Variants in MAP4K3 observed in about 807,000 individuals in gnomAD.
MAP4K3 encodes mitogen-activated protein kinase kinase kinase kinase 3.
MAP4K3 carries 94 observed loss-of-function variants against 143.5 expected under a neutral mutation model. The observed-to-expected ratio is 0.65, with a 90% CI of 0.55 to 0.78. MAP4K3 has a LOEUF of 0.78. Ranked by LOEUF, MAP4K3 falls within the 30% of genes least tolerant of loss-of-function variation. The pLI is 0.00. For missense variants in MAP4K3, 1,077 were observed against 1,068.1 expected, an observed-to-expected ratio of 1.01 and a Z score of -0.12; for synonymous variants, 416 against 347.2, an observed-to-expected ratio of 1.20 and a Z score of -2.20.
At chr2:39,413,676 G>C (rs905898321) in intron 1 of MAP4K3, among the ~76,000 whole-genome samples, 2 of 151,896 alleles carry the variant, frequency 1.3e-5, no homozygotes, top group African/African-American at 4.8e-5. Context: ...AGAGAAGCAA[G>C]ACCAGGGTAG....
At chr2:39,315,950 T>C (rs948278653) in intron 12 of MAP4K3, among the ~76,000 whole-genome samples, 3 of 152,206 alleles carry the variant, frequency 2.0e-5, no homozygotes, top group African/African-American at 7.2e-5. Context: ...TGTTTCACTT[T>C]TGGCACTATC....
intron 8 of MAP4K3, among the ~76,000 whole-genome samples, chr2:39,331,157 A>AGG (rs1280905462): frequency 1.3e-5 from 2 of 152,274 alleles, no homozygotes; most frequent in African/African-American, 4.8e-5. Context: ...TCAGATGAAG[A>AGG]GGGCATCAGG....
intron 27 of MAP4K3, among the ~76,000 whole-genome samples, chr2:39,266,227 C>T (rs1416219263): frequency 1.3e-5 from 2 of 152,200 alleles, no homozygotes; most frequent in African/African-American, 4.8e-5. Flanking sequence ...ACCAGCTGTT[C>T]TCGCTTCCTG....
At chr2:39,313,442 TCTTCTTTCTTTC>T (rs752491094) in intron 13 of MAP4K3, among the ~76,000 whole-genome samples, 23 of 117,580 alleles carry the variant, frequency 2.0e-4, no homozygotes, top group South Asian at 1.2e-3. Flanking sequence ...CATATGATGT[TCTTCTTTCTTTC>T]CTTCTTTCTT....
At chr2:39,289,727 A>G (rs1681950109) in intron 19 of MAP4K3, among the ~76,000 whole-genome samples, 1 of 152,222 alleles carries the variant, frequency 6.6e-6, no homozygotes. Context: ...CCCAAGTCAA[A>G]TAACACTAAT....
chr2:39,255,628 G>T (rs550285930), intron 31 of MAP4K3, among the ~76,000 whole-genome samples: 1 of 152,082 alleles, frequency 6.6e-6, no homozygotes. Context: ...GGTAGAAAAC[G>T]ATTTGTCAAC....
At chr2:39,357,251 G>A (rs2148554222) in intron 2 of MAP4K3, among the ~76,000 whole-genome samples, 1 of 152,342 alleles carries the variant, frequency 6.6e-6, no homozygotes. Context: ...CAGAGACTAT[G>A]CAGAAAGAGA....
At chr2:39,282,845 T>C (rs965242574) in intron 21 of MAP4K3, among the ~76,000 whole-genome samples, 6 of 152,240 alleles carry the variant, frequency 3.9e-5, no homozygotes, top group South Asian at 2.1e-4. Flanking sequence ...TGTAAATACA[T>C]GTTCCCATAG....
At chr2:39,419,237 T>C (rs375223224) in intron 1 of MAP4K3, among the ~76,000 whole-genome samples, 5 of 152,032 alleles carry the variant, frequency 3.3e-5, no homozygotes, top group Admixed American at 1.3e-4. Context: ...CTGCAAACAA[T>C]AGTGTTAAAA....
intron 1 of MAP4K3, among the ~76,000 whole-genome samples, chr2:39,435,240 T>C (rs1469834104): frequency 6.6e-6 from 1 of 152,160 alleles, no homozygotes; most frequent in African/African-American, 2.4e-5. Context: ...CCACTCTTCA[T>C]GCTGTAGTAG....
intron 14 of MAP4K3, among the ~76,000 whole-genome samples, chr2:39,309,208 T>G (rs1682848699): frequency 6.6e-6 from 1 of 152,096 alleles, no homozygotes; most frequent in African/African-American, 2.4e-5. Context: ...ACTGCAACCT[T>G]GAATTCCTGG....
At chr2:39,274,600 T>G (rs924239553) in intron 24 of MAP4K3, among the ~76,000 whole-genome samples, 2 of 152,194 alleles carry the variant, frequency 1.3e-5, no homozygotes, top group Non-Finnish European at 2.9e-5. Context: ...GTGAGTTAGG[T>G]TCTAGGTGAA....
At chr2:39,426,733 A>T (rs915593706) in intron 1 of MAP4K3, among the ~76,000 whole-genome samples, 66 of 152,178 alleles carry the variant, frequency 4.3e-4, no homozygotes, top group South Asian at 8.3e-4. Context: ...AACTTTTTTT[A>T]AAAAATGAAA....
At chr2:39,388,952 C>T (rs932659837) in intron 1 of MAP4K3, among the ~76,000 whole-genome samples, 4 of 152,002 alleles carry the variant, frequency 2.6e-5, no homozygotes, top group African/African-American at 9.7e-5. Context: ...AGGAAACAAA[C>T]CACCAGAGCA....
At chr2:39,436,761 C>G (rs1558358363) in intron 1 of MAP4K3, 131 bp downstream of exon 1, 1 of 732,548 alleles carries the variant, frequency 1.4e-6, no homozygotes, top group Non-Finnish European at 2.3e-6. Context: ...CCTTGGCGTC[C>G]GCAGCTCCTC....
chr2:39,315,931 ATTAGT>A (rs563049055), intron 12 of MAP4K3, among the ~76,000 whole-genome samples: 34 of 152,266 alleles, frequency 2.2e-4, no homozygotes, highest in Admixed American at 2.2e-3. Flanking sequence ...GATGTAGGAT[ATTAGT>A]TTGTGTTTCA....
chr2:39,275,296 G>C (rs1306773417), intron 24 of MAP4K3, among the ~76,000 whole-genome samples: 1 of 152,092 alleles, frequency 6.6e-6, no homozygotes, highest in Non-Finnish European at 1.5e-5. Context: ...ACCAGCCTGG[G>C]CAACAAAGTG....
chr2:39,270,964 A>T (rs1163665035), intron 26 of MAP4K3, among the ~76,000 whole-genome samples: 4 of 152,138 alleles, frequency 2.6e-5, no homozygotes, highest in African/African-American at 9.7e-5. Flanking sequence ...TGTTACTATT[A>T]AAAAAACTAA....
chr2:39,422,949 C>G (rs1171681850), intron 1 of MAP4K3, among the ~76,000 whole-genome samples: 2 of 152,070 alleles, frequency 1.3e-5, no homozygotes, highest in Non-Finnish European at 2.9e-5. Context: ...AAATTAAAAA[C>G]TTCTGCTCTG....
Sources: allele counts gnomAD v4.1 joint callset (sites outside exome capture counted in the v4.1 genomes callset), GRCh38; gene constraint gnomAD v4.1.1; transcripts MANE v1.5; gene names NCBI Gene and HGNC (gene_info 2026-07-23, HGNC 2026-07-21).